LTBP1: variants seen among roughly 807,000 people sequenced by gnomAD.
LTBP1 encodes latent transforming growth factor beta binding protein 1, also known as latent-transforming growth factor beta-binding protein 1.
In LTBP1, 129 loss-of-function variants were observed where a neutral mutation model predicts 207.6. The ratio of observed to expected loss-of-function variants is 0.62; its 90% CI spans 0.54 to 0.72. LTBP1 has a LOEUF of 0.72. LTBP1 is among the 30% of genes least tolerant of loss of function. LTBP1 has a pLI of 0.00. For synonymous variants in LTBP1, 963 were observed against 833.7 expected (o/e 1.16, Z -2.67); for missense variants, 2,281 against 2,217.2 (o/e 1.03, Z -0.58).
intron 7 of LTBP1, among the ~76,000 whole-genome samples, chr2:33,200,498 C>T (rs1201769798): frequency 4.5e-4 from 69 of 152,160 alleles, no homozygotes; most frequent in Middle Eastern, 3.4e-3. Context: ...AAGACTTAAA[C>T]GTTAGACCTA....
intron 4 of LTBP1, among the ~76,000 whole-genome samples, chr2:33,120,258 G>A (rs1375441680): frequency 1.3e-5 from 2 of 150,626 alleles, no homozygotes; most frequent in Non-Finnish European, 3.0e-5. Context: ...GTGTCACGGG[G>A]TTTCGTTGTA....
chr2:33,391,129 T>G (rs1446486487), intron 32 of LTBP1, among the ~76,000 whole-genome samples: 3 of 152,022 alleles, frequency 2.0e-5, no homozygotes, highest in Non-Finnish European at 4.4e-5. Flanking sequence ...AAAAATGTTT[T>G]AAAATGTCCA....
chr2:32,990,198 T>C (rs13027033), intron 2 of LTBP1, among the ~76,000 whole-genome samples: 4 of 152,172 alleles, frequency 2.6e-5, no homozygotes, highest in Non-Finnish European at 2.9e-5. Context: ...TCTATCGATA[T>C]TCCATGCATA....
chr2:33,015,193 A>G (rs1688204368), intron 2 of LTBP1, among the ~76,000 whole-genome samples: 1 of 152,168 alleles, frequency 6.6e-6, no homozygotes, highest in Non-Finnish European at 1.5e-5. Flanking sequence ...ACCTGTTTCT[A>G]TCTGTAACTA....
At chr2:32,956,056 A>G (rs375877675) in intron 2 of LTBP1, among the ~76,000 whole-genome samples, 3 of 152,222 alleles carry the variant, frequency 2.0e-5, no homozygotes, top group East Asian at 3.8e-4. Flanking sequence ...AGGCAAGTGT[A>G]TACCTTAATT....
At chr2:33,394,360 A>G (rs1183185699) in intron 32 of LTBP1, among the ~76,000 whole-genome samples, 3 of 152,146 alleles carry the variant, frequency 2.0e-5, no homozygotes, top group Non-Finnish European at 4.4e-5. Context: ...TTAGACATGA[A>G]GTCCTTGCCC....
intron 9 of LTBP1, among the ~76,000 whole-genome samples, chr2:33,224,243 T>G (rs1023925556): frequency 5.3e-5 from 8 of 152,212 alleles, no homozygotes; most frequent in African/African-American, 1.7e-4. Context: ...GGGAACTCTA[T>G]TCCACAGAAA....
chr2:33,034,087 CT>C (rs935184990), intron 3 of LTBP1, among the ~76,000 whole-genome samples: 30 of 152,200 alleles, frequency 2.0e-4, no homozygotes, highest in African/African-American at 6.7e-4. Flanking sequence ...GCATCTTTCT[CT>C]CAGATGGCAT....
intron 10 of LTBP1, among the ~76,000 whole-genome samples, chr2:33,251,629 C>G (rs2092686972): frequency 7.2e-6 from 1 of 139,236 alleles, no homozygotes; most frequent in Non-Finnish European, 1.5e-5. Context: ...CGCGCCACTG[C>G]ACTCCGGCCT....
At chr2:33,231,717 A>C (rs115507449) in intron 9 of LTBP1, among the ~76,000 whole-genome samples, 1 of 152,170 alleles carries the variant, frequency 6.6e-6, no homozygotes, top group Admixed American at 6.5e-5. Context: ...GTCTTGTAGC[A>C]TAGTGCTGGA....
chr2:33,072,962 AT>A (rs1418049967), intron 3 of LTBP1, among the ~76,000 whole-genome samples: 1 of 152,222 alleles, frequency 6.6e-6, no homozygotes, highest in Non-Finnish European at 1.5e-5. Context: ...GTCTGGAGAT[AT>A]TTGATTAGCA....
At chr2:32,947,891 G>T (rs1452104377) in intron 1 of LTBP1, 73 bp downstream of exon 1, 1 of 1,227,200 alleles carries the variant, frequency 8.1e-7, no homozygotes, top group Non-Finnish European at 1.0e-6. Context: ...GCGGGGTCAG[G>T]GCCACTCGGA....
chr2:32,958,734 T>C (rs1678502842), intron 2 of LTBP1, among the ~76,000 whole-genome samples: 1 of 152,228 alleles, frequency 6.6e-6, no homozygotes, highest in African/African-American at 2.4e-5. Context: ...GGCAATAATT[T>C]CCACTTGTTT....
chr2:33,208,365 A>T (rs146404347), intron 7 of LTBP1, among the ~76,000 whole-genome samples: 1 of 152,356 alleles, frequency 6.6e-6, no homozygotes, highest in African/African-American at 2.4e-5. Flanking sequence ...TAATTATATC[A>T]TTCATTATAG....
chr2:33,311,316 A>G (rs2094184312), intron 23 of LTBP1, among the ~76,000 whole-genome samples: 1 of 152,222 alleles, frequency 6.6e-6, no homozygotes, highest in Admixed American at 6.5e-5. Context: ...CCAAGATTTA[A>G]ATATACCATG....
At chr2:33,140,023 G>C (rs142848191) in intron 5 of LTBP1, among the ~76,000 whole-genome samples, 1 of 152,282 alleles carries the variant, frequency 6.6e-6, no homozygotes, top group African/African-American at 2.4e-5. Flanking sequence ...TTTTTAGCTA[G>C]GAAACTCATG....
chr2:33,293,360 G>C (rs927721606), intron 20 of LTBP1, 78 bp downstream of exon 20: 1 of 1,403,028 alleles, frequency 7.1e-7, no homozygotes, highest in Non-Finnish European at 9.6e-7. Flanking sequence ...CCTTAGAAAA[G>C]GGAACCCTGC....
intron 31 of LTBP1, among the ~76,000 whole-genome samples, chr2:33,388,498 A>G (rs1391683011): frequency 6.6e-6 from 1 of 152,228 alleles, no homozygotes; most frequent in Non-Finnish European, 1.5e-5. Flanking sequence ...ATGGTAGAAC[A>G]TAGGATGGTG....
chr2:33,176,983 C>A (rs77037756), intron 5 of LTBP1, among the ~76,000 whole-genome samples: 1 of 152,142 alleles, frequency 6.6e-6, no homozygotes, highest in South Asian at 2.1e-4. Context: ...ATTCAGGTCA[C>A]ACAACAGCCA....
Sources: gnomAD v4.1 joint callset for allele counts (sites outside exome capture counted in the v4.1 genomes callset) on GRCh38, gnomAD v4.1.1 for gene constraint, MANE v1.5 for transcripts, NCBI Gene and HGNC (gene_info 2026-07-23, HGNC 2026-07-21) for gene names.